EPB41L1: variants seen among roughly 807,000 people sequenced by gnomAD.
The protein encoded by EPB41L1 is erythrocyte membrane protein band 4.1 like 1.
Under a neutral mutation model 97.8 loss-of-function variants are expected in EPB41L1, and 29 were observed. The ratio of observed to expected loss-of-function variants is 0.30; its 90% CI spans 0.22 to 0.40. EPB41L1 has a LOEUF of 0.40. Ranked by LOEUF, EPB41L1 falls within the 10% of genes least tolerant of loss-of-function variation. The pLI, the probability that EPB41L1 is intolerant of heterozygous loss-of-function variation, is 1.00. For missense variants in EPB41L1, 812 were observed against 1,162.3 expected, an observed-to-expected ratio of 0.70 and a Z score of 4.38; for synonymous variants, 383 against 459.2, an observed-to-expected ratio of 0.83 and a Z score of 2.12.
chr20:36,116,460 A>G (rs2058587550), intron 2 of EPB41L1, among the ~76,000 whole-genome samples: 1 of 152,142 alleles, frequency 6.6e-6, no homozygotes, highest in Non-Finnish European at 1.5e-5. Context: ...ACAGGTGCCC[A>G]TTTCCTTCCT....
chr20:36,180,032 C>G (rs551456439), intron 5 of EPB41L1, among the ~76,000 whole-genome samples: 1 of 152,200 alleles, frequency 6.6e-6, no homozygotes, highest in African/African-American at 2.4e-5. Flanking sequence ...GTGGCTGGAC[C>G]AAATGGTCAG....
chr20:36,151,797 A>T (rs1343205552), upstream of EPB41L1: 1 of 152,362 alleles, frequency 6.6e-6, no homozygotes, highest in Non-Finnish European at 1.5e-5. Flanking sequence ...TCTGAGCCTC[A>T]GCCTGCCTAT....
Position 36,219,825 on chromosome 20 carries a change from C to T in EPB41L1, c.2420C>T (p.Thr807Ile). The part of the protein sequence containing the change: ...GATAETLSTS[T>I]TTHVTKTVKG... ...ACTGCGGAAACCCTCTCAACCTCCACCACCACCCATGTCACCAAAGTGAGT... is the reference window on the plus strand; with the variant it reads ...ACTGCGGAAACCCTCTCAACCTCCATCACCACCCATGTCACCAAAGTGAGT... Residue 807 changes from threonine (T) to isoleucine (I), a missense_variant, in exon 19 of 22, where the codon ACC becomes ATC. Around this residue, in one of 3 missense-constraint regions of EPB41L1, gnomAD observed 498 missense variants for 622.7 expected, o/e 0.80. Transcript: ENST00000338074. 2 of 1,614,240 alleles carry T rather than the reference C, an allele frequency of 1.2e-6. No individual in the cohort carries two copies. The highest frequency in any genetic ancestry group is 1.7e-6 in the Non-Finnish European group (2 of 1,180,042).
chr20:36,189,138 A>G (rs925173376), intron 9 of EPB41L1, among the ~76,000 whole-genome samples: 3 of 152,128 alleles, frequency 2.0e-5, no homozygotes, highest in Admixed American at 6.5e-5. Flanking sequence ...TACCTGTAGA[A>G]TAAACATGAA....
At chr20:36,178,197 C>G (rs1165830448) in intron 4 of EPB41L1, 141 bp downstream of exon 4, 14 of 721,022 alleles carry the variant, frequency 1.9e-5, no homozygotes, top group Non-Finnish European at 3.2e-5. Context: ...CAGCCCTATC[C>G]ACCTGCGGTT....
At chr20:36,215,394 A>C (rs1257075535) in intron 17 of EPB41L1, among the ~76,000 whole-genome samples, 1 of 152,220 alleles carries the variant, frequency 6.6e-6, no homozygotes, top group East Asian at 1.9e-4. Context: ...GGTTGCAGCC[A>C]CTACTCGGGC....
intron 6 of EPB41L1, among the ~76,000 whole-genome samples, chr20:36,184,277 A>T (rs1404901636): frequency 1.3e-5 from 2 of 152,204 alleles, no homozygotes; most frequent in Non-Finnish European, 2.9e-5. Context: ...TTGAAAAAAA[A>T]TGGTGAAACA....
rs551836602 is a variant in EPB41L1 at position 36,209,757 on chromosome 20, C to T, written c.1938C>T (p.Asp646=). ...GCAGCCTGCCTGAGCTCGACCGGGA[C>T]AAAAGCGACTCGGACACTGAGGGCC... ...FSRSLPELDR[D]KSDSDTEGLL... Residue 646 remains aspartate (D), a synonymous_variant, in exon 15 of 22, where the codon GAC becomes GAT. Coordinates refer to ENST00000338074, the MANE Select transcript of EPB41L1 (RefSeq NM_012156.2). The surrounding 1 kb of genome is among the most constrained non-coding windows in gnomAD (Gnocchi z 4.2). 2 of 1,546,580 alleles carry T rather than the reference C, an allele frequency of 1.3e-6. No individual in the cohort carries two copies. Among genetic ancestry groups the T allele is most frequent in the Admixed American group, 3.4e-5 (2 of 58,344 alleles).
At chr20:36,185,837 T>C (rs1169366697) in intron 7 of EPB41L1, among the ~76,000 whole-genome samples, 3 of 152,202 alleles carry the variant, frequency 2.0e-5, no homozygotes, top group Admixed American at 6.5e-5. Context: ...TGTAGGATTG[T>C]TGGGAAGCCT....
rs6058434 is a variant in EPB41L1 at position 36,207,450 on chromosome 20, C to T, written c.1669-2038C>T. 0.03 allele frequency: 38,209 copies of T among 1,289,614 alleles called. 6,903 individuals carry two copies. In the African/African-American group the frequency reaches 0.45, roughly 15 times the overall value. The allele number at this position is 1,289,614 out of a possible 1,614,324, so 79.9% of individuals were successfully genotyped here. A position where few individuals can be genotyped will look rare whatever the true frequency, so the allele number is the denominator to read the frequency against. On this transcript the variant is annotated intron_variant, in intron 14 of 21. Coordinates refer to ENST00000338074, the MANE Select transcript of EPB41L1 (RefSeq NM_012156.2). This position sits in a 1 kb window ranked among gnomAD's most constrained non-coding sequence, Gnocchi z 4.9. ...ATATTAGCAAGACCTCAGTGGCCAA[C>T]AAAATTCGGATATTTGAGACCCACG...
At position 36,230,621 on chromosome 20, in the gene EPB41L1, C is replaced by T. The variant is rs2064449802; in HGVS notation, c.*1281C>T. 6.6e-6 allele frequency: 1 copy of T among 152,272 alleles called. No homozygotes were observed. The highest frequency in any genetic ancestry group is 2.4e-5 in the African/African-American group (1 of 41,420). 9.4% of individuals were successfully genotyped at this position (152,272 alleles called of 1,614,324 possible). On this transcript the variant is annotated 3_prime_UTR_variant, in exon 22 of 22. Coordinates refer to ENST00000338074, the MANE Select transcript of EPB41L1 (RefSeq NM_012156.2). ...TTCAAGACACCTTCTCCCTGCCCCC[C>T]TGGTAGTAACAGTCAGGGCCTGGTC...
rs149336325 is a variant in EPB41L1, at chr20:36,214,412, T to C, written c.2240T>C (p.Ile747Thr). 183 of 1,613,566 alleles carry C rather than the reference T, an allele frequency of 1.1e-4. No individual in the cohort carries two copies. Among genetic ancestry groups the C allele is most frequent in the Non-Finnish European group, 1.5e-4 (180 of 1,179,944 alleles). Residue 747 changes from isoleucine (I) to threonine (T), a missense_variant, in exon 17 of 22, where the codon ATC becomes ACC. Physicochemically the swap from Ile to Thr is moderately conservative, Grantham distance 89. Coordinates refer to ENST00000338074, the MANE Select transcript of EPB41L1 (RefSeq NM_012156.2). The stretch of plus-strand genomic sequence containing the variant: ...GAGTTCATAGCAACCACTCCCTCCA[T>C]CACCACGGAGACCATATCGACCACC... ...GREFIATTPSITTETISTTME... is the reference protein window; with the variant it reads ...GREFIATTPSTTTETISTTME...
chr20:36,158,557 GGC>G (rs2060406660), intron 1 of EPB41L1, among the ~76,000 whole-genome samples: 2 of 152,194 alleles, frequency 1.3e-5, no homozygotes, highest in East Asian at 3.8e-4. Context: ...TAGTGTGTGT[GGC>G]GGAGTGTGAG....
chr20:36,174,239 C>T (rs1209135312), intron 2 of EPB41L1, among the ~76,000 whole-genome samples: 1 of 151,994 alleles, frequency 6.6e-6, no homozygotes, highest in Non-Finnish European at 1.5e-5. Flanking sequence ...AGGCGTGCAC[C>T]ACCGCACCTG....
At chr20:36,192,494 C>G (rs574765600) in intron 11 of EPB41L1, among the ~76,000 whole-genome samples, 7 of 140,390 alleles carry the variant, frequency 5.0e-5, no homozygotes, top group Non-Finnish European at 7.5e-5. Flanking sequence ...TGCACCGCCA[C>G]TGTACTCTAG....
chr20:36,191,745 C>A (rs1035784070), intron 11 of EPB41L1, among the ~76,000 whole-genome samples: 1 of 152,136 alleles, frequency 6.6e-6, no homozygotes, highest in East Asian at 1.9e-4. Context: ...GGATGGGTGA[C>A]CTTAAGCAAC....
chr20:36,144,187 C>G (rs1205111504), intron 2 of EPB41L1, among the ~76,000 whole-genome samples: 7 of 152,062 alleles, frequency 4.6e-5, no homozygotes, highest in Non-Finnish European at 1.0e-4. Flanking sequence ...AGTCCAACCC[C>G]CTCATATTAC....
chr20:36,182,635 C>G (rs559267249), intron 6 of EPB41L1, among the ~76,000 whole-genome samples: 15 of 152,368 alleles, frequency 9.8e-5, no homozygotes, highest in African/African-American at 2.6e-4. Flanking sequence ...AAAACAGTTG[C>G]TGTTCCCCTC....
intron 8 of EPB41L1, 55 bp from the exon 9 acceptor site, chr20:36,188,292 G>A (rs961953057): frequency 5.0e-6 from 8 of 1,610,338 alleles, no homozygotes; most frequent in East Asian, 2.2e-5. Context: ...TGGGTGGTAG[G>A]CTGTCCCCAG....
Sources: allele counts gnomAD v4.1 joint callset (sites outside exome capture counted in the v4.1 genomes callset), GRCh38; gene constraint gnomAD v4.1.1; regional missense constraint gnomAD v4.1.1; non-coding constraint Gnocchi (gnomAD v3.1); transcripts MANE v1.5; gene names NCBI Gene and HGNC (gene_info 2026-07-23, HGNC 2026-07-21).